INPP5F: variants seen among roughly 807,000 people sequenced by gnomAD.
INPP5F encodes the protein inositol polyphosphate-5-phosphatase F, also known as phosphatidylinositide 4-phosphatase SAC2.
INPP5F carries 97 observed loss-of-function variants against 137.2 expected under a neutral mutation model. The ratio of observed to expected loss-of-function variants is 0.71; its 90% CI spans 0.60 to 0.84. The LOEUF is 0.84. Among genes scored for constraint, INPP5F ranks in the 40% least tolerant of loss-of-function variants. INPP5F has a pLI of 0.00. For missense variants in INPP5F, 1,271 were observed against 1,371.9 expected (o/e 0.93, Z 1.16); for synonymous variants, 504 against 476.9 (o/e 1.06, Z -0.74).
At chr10:119,733,415 A>G (rs894743492) in intron 1 of INPP5F, among the ~76,000 whole-genome samples, 1 of 152,194 alleles carries the variant, frequency 6.6e-6, no homozygotes, top group Non-Finnish European at 1.5e-5. Context: ...GAATAGATAC[A>G]GGGGAGATCT....
chr10:119,791,847 ATAG>A lies in INPP5F; in HGVS notation c.445-18_445-16del, dbSNP rs775582813. On this transcript the variant is annotated intron_variant, in intron 4 of 19. Coordinates refer to ENST00000650623, the MANE Select transcript of INPP5F (RefSeq NM_014937.4). ...TACTTTACATTTAATTTCTGTAGTA[ATAG>A]TAGATTAATTTCTTATAGGTTAAGG... 15 of 1,541,214 alleles carry A rather than the reference ATAG, an allele frequency of 9.7e-6. No individual in the cohort carries two copies. Among genetic ancestry groups the A allele is most frequent in the Non-Finnish European group, 1.3e-5 (15 of 1,134,016 alleles).
intron 1 of INPP5F, among the ~76,000 whole-genome samples, chr10:119,732,233 C>T (rs972070387): frequency 6.6e-6 from 1 of 151,542 alleles, no homozygotes; most frequent in African/African-American, 2.4e-5. Flanking sequence ...GACAGGGTTT[C>T]GCCACGTTGG....
At chr10:119,727,578 G>GCC (rs1018651270) in intron 1 of INPP5F, among the ~76,000 whole-genome samples, 3 of 152,210 alleles carry the variant, frequency 2.0e-5, no homozygotes, top group African/African-American at 7.2e-5. Flanking sequence ...TTTTGGGCAG[G>GCC]CCCCACTGCT....
At chr10:119,741,824 C>A (rs377556108) in intron 1 of INPP5F, among the ~76,000 whole-genome samples, 1 of 152,030 alleles carries the variant, frequency 6.6e-6, no homozygotes, top group African/African-American at 2.4e-5. Flanking sequence ...CGTGAGCCAC[C>A]GTGCCTGGCC....
intron 9 of INPP5F, among the ~76,000 whole-genome samples, chr10:119,799,820 G>C (rs1032127668): frequency 6.6e-6 from 1 of 152,086 alleles, no homozygotes; most frequent in Non-Finnish European, 1.5e-5. Context: ...AGAAAAAATA[G>C]ACATCTTTTT....
intron 2 of INPP5F, among the ~76,000 whole-genome samples, chr10:119,765,214 G>A (rs1849120981): frequency 1.3e-5 from 2 of 152,128 alleles, no homozygotes; most frequent in African/African-American, 4.8e-5. Flanking sequence ...GATTACAGGT[G>A]TGAGCCACCG....
intron 3 of INPP5F, among the ~76,000 whole-genome samples, chr10:119,790,853 T>C (rs1476852567): frequency 1.3e-5 from 2 of 152,234 alleles, no homozygotes; most frequent in African/African-American, 4.8e-5. Flanking sequence ...CCTTCTCTTC[T>C]CTTAACATAG....
In INPP5F at chr10:119,781,644, G is replaced by T; in HGVS notation, c.188G>T (p.Trp63Leu). The change falls in exon 3 of 20, where the codon TGG (tryptophan) becomes TTG (leucine). Residue 63 changes from tryptophan (W) to leucine (L), a missense_variant. Physicochemically the swap from Trp to Leu is moderately conservative, Grantham distance 61. Transcript: ENST00000650623. The stretch of plus-strand genomic sequence containing the variant: ...GACTCTCCTCTTTCAGATCTTCCAT[G>T]GTGGCTTATTCTAATTCGGCAGAAA... ...GKIQLHSDLP[W>L]WLILIRQKAL... 1.2e-6 allele frequency: 2 copies of T among 1,607,694 alleles called. No individual in the cohort carries two copies. The highest frequency in any genetic ancestry group is 1.7e-6 in the Non-Finnish European group (2 of 1,176,074).
chr10:119,820,553 AC>A (rs2134291304), intron 15 of INPP5F, among the ~76,000 whole-genome samples: 1 of 152,126 alleles, frequency 6.6e-6, no homozygotes, highest in East Asian at 1.9e-4. Flanking sequence ...CTCCAATACC[AC>A]CAGTCCCCCA....
intron 2 of INPP5F, among the ~76,000 whole-genome samples, chr10:119,762,359 TCACATGG>T (rs1279990893): frequency 1.3e-5 from 2 of 152,146 alleles, no homozygotes; most frequent in African/African-American, 4.8e-5. Flanking sequence ...CACTGAGTCC[TCACATGG>T]CAGGAGGCGT....
chr10:119,827,050 C>A lies in INPP5F; in HGVS notation c.2669C>A (p.Pro890His), dbSNP rs1851790562. Reference sequence around the variant, plus strand: ...GTAGGGCCAATAGATTACGTTCTTCCTAGTTGTGGTATTATTGCCTCAGCG... The same window carrying A: ...GTAGGGCCAATAGATTACGTTCTTCATAGTTGTGGTATTATTGCCTCAGCG... ...ESVGPIDYVL[P>H]SCGIIASAPR... The change falls in exon 20 of 20, where the codon CCT becomes CAT. Residue 890 changes from proline to histidine, a missense_variant. By Grantham distance (77) the Pro-to-His change is moderately conservative. This residue lies in a region of INPP5F where 490 missense variants were observed against 443.7 expected (regional missense o/e 1.10). Coordinates refer to ENST00000650623, the MANE Select transcript of INPP5F (RefSeq NM_014937.4). The A allele has an allele frequency of 6.2e-7, 1 of 1,613,870 alleles. No individual in the cohort carries two copies. The highest frequency in any genetic ancestry group is 1.1e-5 in the South Asian group (1 of 91,068).
chr10:119,751,220 T>A, intron 2 of INPP5F, 64 bp downstream of exon 2: 4 of 983,966 alleles, frequency 4.1e-6, no homozygotes, highest in African/African-American at 1.6e-5. Flanking sequence ...TGTTTTCCTC[T>A]TTGAGGATAC....
chr10:119,791,806 T>C (rs1850155394), intron 4 of INPP5F, 63 bp from the exon 5 acceptor site: 2 of 1,411,492 alleles, frequency 1.4e-6, no homozygotes, highest in Non-Finnish European at 1.9e-6. Flanking sequence ...TAGGAATTTA[T>C]GTGTTATCCC....
At chr10:119,808,821 C>T (rs1192295798) in intron 13 of INPP5F, among the ~76,000 whole-genome samples, 1 of 152,206 alleles carries the variant, frequency 6.6e-6, no homozygotes, top group Non-Finnish European at 1.5e-5. Flanking sequence ...TCTCAAGGTA[C>T]TTCTTACACA....
At chr10:119,797,440 T>G in intron 7 of INPP5F, 21 bp from the exon 8 acceptor site, 1 of 1,571,918 alleles carries the variant, frequency 6.4e-7, no homozygotes, top group Non-Finnish European at 8.7e-7. Flanking sequence ...GTTGCTGTTT[T>G]CTGTTTTAAT....
At chr10:119,758,014 ACC>A (rs2134136342) in intron 2 of INPP5F, among the ~76,000 whole-genome samples, 1 of 152,290 alleles carries the variant, frequency 6.6e-6, no homozygotes, top group African/African-American at 2.4e-5. Flanking sequence ...TCTATGGAGT[ACC>A]TACTGTGTCC....
chr10:119,795,355 C>T (rs891341404), intron 6 of INPP5F, among the ~76,000 whole-genome samples: 1 of 151,252 alleles, frequency 6.6e-6, no homozygotes, highest in African/African-American at 2.4e-5. Flanking sequence ...CTCCTCACTT[C>T]TCAGACGGGG....
rs34906556 is a variant in INPP5F at position 119,765,741 on chromosome 10, CTGTGTGTG to C, written c.178+14621_178+14628del. ...AACTCCTGCATTGTTCAAGGGTAAA[CTGTGTGTG>C]TGTGTGTGTGTGTGTGTGTGTGTGT... On this transcript the variant is annotated intron_variant, in intron 2 of 19. Coordinates refer to ENST00000650623, the MANE Select transcript of INPP5F (RefSeq NM_014937.4). Among the ~76,000 whole-genome samples the C allele has an allele frequency of 4.0e-3, 507 of 127,674 alleles. 2 individuals are homozygous for C. The highest frequency in any genetic ancestry group is 0.014 in the South Asian group (54 of 3,774). 83.8% of individuals were successfully genotyped at this position (127,674 alleles called of 152,430 possible).
chr10:119,824,072 G>GTA (rs1173084477), intron 19 of INPP5F, among the ~76,000 whole-genome samples, 170 bp downstream of exon 19: 1 of 152,230 alleles, frequency 6.6e-6, no homozygotes, highest in East Asian at 1.9e-4. Flanking sequence ...CATTCTTCAT[G>GTA]TATACAATTT....
Sources: allele counts gnomAD v4.1 joint callset (sites outside exome capture counted in the v4.1 genomes callset), GRCh38; gene constraint gnomAD v4.1.1; regional missense constraint gnomAD v4.1.1; transcripts MANE v1.5; gene names NCBI Gene and HGNC (gene_info 2026-07-23, HGNC 2026-07-21).